Variants in RAB27A observed in about 807,000 individuals in gnomAD.
RAB27A encodes the protein ras-related protein Rab-27A.
Under a neutral mutation model 20.8 loss-of-function variants are expected in RAB27A, and 17 were observed. That is an observed-to-expected ratio of 0.82 (90% CI 0.56 to 1.23). RAB27A has a LOEUF of 1.23. Ranked by LOEUF, RAB27A falls within the 50% of genes most tolerant of loss-of-function variation. The probability of loss-of-function intolerance (pLI) is 0.00; values close to 1 mark genes in which losing one functional copy is unlikely to be tolerated. For missense variants in RAB27A, 277 were observed against 266.7 expected, an observed-to-expected ratio of 1.04 and a Z score of -0.27; for synonymous variants, 85 against 92.8, an observed-to-expected ratio of 0.92 and a Z score of 0.48.
chr15:55,265,250 A>AAAG (rs61169705), intron 2 of RAB27A, among the ~76,000 whole-genome samples: 17,692 of 151,886 alleles, frequency 0.12, 1,127 homozygotes, highest in Middle Eastern at 0.15. Flanking sequence ...TCAAAGAAAA[A>AAAG]AAGAAGAAGA....
intron 6 of RAB27A, among the ~76,000 whole-genome samples, chr15:55,207,381 G>C (rs1052097606): frequency 6.6e-6 from 1 of 152,192 alleles, no homozygotes; most frequent in East Asian, 1.9e-4. Context: ...TCAGTCCTTA[G>C]GGCAACTGAG....
chr15:55,261,147 C>A (rs1040253280), intron 2 of RAB27A, among the ~76,000 whole-genome samples: 1 of 152,086 alleles, frequency 6.6e-6, no homozygotes, highest in East Asian at 1.9e-4. Context: ...GCCTGTAATC[C>A]CAGCACTTTG....
intron 2 of RAB27A, among the ~76,000 whole-genome samples, chr15:55,252,718 A>G (rs922102317): frequency 3.9e-5 from 6 of 152,218 alleles, no homozygotes; most frequent in Non-Finnish European, 7.3e-5. Flanking sequence ...CTATCTATCT[A>G]TATACAAAAA....
intron 1 of RAB27A, among the ~76,000 whole-genome samples, chr15:55,318,399 GT>G (rs950662752): frequency 1.4e-5 from 2 of 141,346 alleles, no homozygotes; most frequent in Non-Finnish European, 3.1e-5. Flanking sequence ...GCCCGGCCTG[GT>G]TTTACTTTTA....
chr15:55,279,800 A>T (rs1897966328), intron 1 of RAB27A, among the ~76,000 whole-genome samples: 1 of 152,240 alleles, frequency 6.6e-6, no homozygotes, highest in African/African-American at 2.4e-5. Flanking sequence ...ATCACCAAGG[A>T]AAGCAGATGG....
chr15:55,246,243 C>T (rs544897441), intron 2 of RAB27A, among the ~76,000 whole-genome samples: 6 of 151,874 alleles, frequency 4.0e-5, no homozygotes, highest in Admixed American at 6.6e-5. Flanking sequence ...CAGTCATAGC[C>T]CAGAAATCCA....
chr15:55,250,231 T>G (rs377415552), intron 2 of RAB27A, among the ~76,000 whole-genome samples: 2 of 152,196 alleles, frequency 1.3e-5, no homozygotes, highest in East Asian at 3.8e-4. Context: ...TCCAAGGTGC[T>G]GGGATTACAG....
rs1442136610 is a variant in RAB27A at position 55,303,665 on chromosome 15, G to T, written c.-112+10374C>A. 3.0e-3 allele frequency among the ~76,000 whole-genome samples: 349 copies of T among 118,212 alleles called. 4 individuals carry two copies. The highest frequency in any genetic ancestry group is 0.011 in the African/African-American group (327 of 29,794). The allele number at this position is 118,212 out of a possible 152,430, so 77.6% of individuals were successfully genotyped here. On this transcript the variant is annotated intron_variant, in intron 2 of 5. Transcript: ENST00000563262. ...CCCCGTCCGGGAGGGAGGTGGGGGG[G>T]GTCAGCCCCCCTGCCCGGCCAGCCG... is the stretch of plus-strand genomic sequence containing the variant.
At chr15:55,273,134 C>T (rs1401757677) in intron 1 of RAB27A, among the ~76,000 whole-genome samples, 2 of 152,084 alleles carry the variant, frequency 1.3e-5, no homozygotes, top group Non-Finnish European at 2.9e-5. Flanking sequence ...AGGTTGGGCA[C>T]GGTGGCTCAA....
intron 5 of RAB27A, among the ~76,000 whole-genome samples, chr15:55,227,269 C>T (rs549565505): frequency 3.3e-5 from 5 of 152,244 alleles, no homozygotes; most frequent in South Asian, 2.1e-4. Flanking sequence ...AAAACAGGTG[C>T]GTTATTTTTT....
At chr15:55,305,999 T>TG (rs1016760130) in intron 2 of RAB27A, among the ~76,000 whole-genome samples, 3 of 151,982 alleles carry the variant, frequency 2.0e-5, no homozygotes, top group African/African-American at 7.3e-5. Context: ...TAGATGGTCA[T>TG]GGGGGGCACT....
At chr15:55,296,054 G>C (rs147416982) in intron 2 of RAB27A, among the ~76,000 whole-genome samples, 2 of 151,396 alleles carry the variant, frequency 1.3e-5, no homozygotes, top group Non-Finnish European at 2.9e-5. Context: ...CCGCCACCAT[G>C]CCCAGTTGTT....
upstream of RAB27A, chr15:55,289,933 G>C (rs1898268787): frequency 1.3e-5 from 2 of 152,018 alleles, no homozygotes; most frequent in African/African-American, 4.8e-5. Flanking sequence ...CGGGGGGCGG[G>C]GTGCTGTCGC....
intron 1 of RAB27A, among the ~76,000 whole-genome samples, chr15:55,315,513 C>T (rs1056757318): frequency 1.3e-5 from 2 of 152,048 alleles, no homozygotes; most frequent in African/African-American, 2.4e-5. Context: ...ATCCATCTGA[C>T]AAAGGGCTAA....
At chr15:55,298,943 T>C (rs1361781607) in intron 2 of RAB27A, among the ~76,000 whole-genome samples, 1 of 152,222 alleles carries the variant, frequency 6.6e-6, no homozygotes, top group African/African-American at 2.4e-5. Flanking sequence ...GAACAATTGC[T>C]GTTATCCTGT....
intron 2 of RAB27A, among the ~76,000 whole-genome samples, chr15:55,269,016 G>A (rs1221019148): frequency 6.6e-6 from 1 of 152,144 alleles, no homozygotes; most frequent in African/African-American, 2.4e-5. Flanking sequence ...AGAGACATAG[G>A]GAGAAGACAG....
chr15:55,254,911 A>G (rs1478933534), intron 2 of RAB27A, among the ~76,000 whole-genome samples: 1 of 152,238 alleles, frequency 6.6e-6, no homozygotes, highest in Non-Finnish European at 1.5e-5. Flanking sequence ...TGGAAACACA[A>G]TTTAGTTGTC....
At chr15:55,210,230 C>CACATGTATGTGTGTATGTATATATAT in intron 6 of RAB27A, among the ~76,000 whole-genome samples, 1 of 143,344 alleles carries the variant, frequency 7.0e-6, no homozygotes, top group South Asian at 2.2e-4. Flanking sequence ...TGTATATATA[C>CACATGTATGTGTGTATGTATATATAT]ACACATATAT....
At chr15:55,232,704 T>C (rs1255244377) in intron 3 of RAB27A, among the ~76,000 whole-genome samples, 1 of 152,178 alleles carries the variant, frequency 6.6e-6, no homozygotes, top group Admixed American at 6.5e-5. Flanking sequence ...GAAAGGAAAC[T>C]AGACAGTAAC....
Sources: gnomAD v4.1 joint callset for allele counts (sites outside exome capture counted in the v4.1 genomes callset) on GRCh38, gnomAD v4.1.1 for gene constraint, MANE v1.5 for transcripts, NCBI Gene and HGNC (gene_info 2026-07-23, HGNC 2026-07-21) for gene names.